Variants in ENTHD1 observed in about 807,000 individuals in gnomAD.
The protein encoded by ENTHD1 is ENTH domain containing 1, also known as ENTH domain-containing protein 1.
Under a neutral mutation model 39.1 loss-of-function variants are expected in ENTHD1, and 23 were observed. That is an observed-to-expected ratio of 0.59 (90% CI 0.42 to 0.83). The LOEUF is 0.83. Among genes scored for constraint, ENTHD1 ranks in the 40% least tolerant of loss-of-function variants. ENTHD1 has a pLI of 0.00. For synonymous variants in ENTHD1, 230 were observed against 258.2 expected (o/e 0.89, Z 1.05); for missense variants, 624 against 705.4 (o/e 0.88, Z 1.31).
intron 2 of ENTHD1, among the ~76,000 whole-genome samples, chr22:39,885,632 A>G (rs982630557): frequency 1.3e-5 from 2 of 152,240 alleles, no homozygotes; most frequent in African/African-American, 4.8e-5. Context: ...TGTACATACA[A>G]TAGAATATTA....
At chr22:39,778,876 C>A (rs747341914) in intron 5 of ENTHD1, among the ~76,000 whole-genome samples, 2 of 152,118 alleles carry the variant, frequency 1.3e-5, no homozygotes, top group South Asian at 4.1e-4. Flanking sequence ...GTACTACAAA[C>A]GTGCCCAAGA....
At chr22:39,779,765 A>G (rs986074941) in intron 5 of ENTHD1, among the ~76,000 whole-genome samples, 4 of 152,184 alleles carry the variant, frequency 2.6e-5, no homozygotes, top group African/African-American at 9.7e-5. Flanking sequence ...GACACATACA[A>G]AAGTCAAAAT....
At chr22:39,794,345 G>C (rs2065529542) in intron 5 of ENTHD1, among the ~76,000 whole-genome samples, 1 of 152,126 alleles carries the variant, frequency 6.6e-6, no homozygotes, top group Non-Finnish European at 1.5e-5. Context: ...TCAGATCTAA[G>C]AGTTTTTTTG....
intron 5 of ENTHD1, among the ~76,000 whole-genome samples, chr22:39,772,606 A>C (rs1200960466): frequency 6.6e-6 from 1 of 152,202 alleles, no homozygotes; most frequent in Non-Finnish European, 1.5e-5. Context: ...ACACCGACAA[A>C]ACAAGGAGAA....
intron 1 of ENTHD1, among the ~76,000 whole-genome samples, chr22:39,889,569 A>T (rs2066409705): frequency 6.6e-6 from 1 of 152,224 alleles, no homozygotes; most frequent in Admixed American, 6.5e-5. Context: ...CATACAAAAG[A>T]AAAAATGTTA....
chr22:39,862,081 A>T (rs185628370), intron 2 of ENTHD1, 74 bp from the exon 3 acceptor site: 17,389 of 1,222,502 alleles, frequency 0.014, 242 homozygotes, highest in Admixed American at 0.089. Flanking sequence ...TTCTACAGAA[A>T]TTTTTTTAAA....
chr22:39,877,721 C>A (rs2066303077), intron 2 of ENTHD1, among the ~76,000 whole-genome samples: 1 of 152,308 alleles, frequency 6.6e-6, no homozygotes, highest in South Asian at 2.1e-4. Flanking sequence ...TCAGAATTTT[C>A]CAGAGCACTC....
intron 5 of ENTHD1, among the ~76,000 whole-genome samples, chr22:39,789,658 A>G (rs2065488470): frequency 6.6e-6 from 1 of 152,232 alleles, no homozygotes; most frequent in Non-Finnish European, 1.5e-5. Context: ...GGTACTAAAA[A>G]TACAACAGTG....
At position 39,743,450 on chromosome 22, in the gene ENTHD1, A is replaced by C; in HGVS notation, c.*229T>G. On this transcript the variant is annotated 3_prime_UTR_variant, in exon 7 of 7. Coordinates refer to ENST00000325157, the MANE Select transcript of ENTHD1 (RefSeq NM_152512.4). ...AAGAATGAAATTCTCTTCTGTTTCA[A>C]ATGAACTAATATCTAAATCTGAAAT... 1 of 457,144 alleles carries C rather than the reference A, an allele frequency of 2.2e-6. No individual in the cohort carries two copies. Among genetic ancestry groups the C allele is most frequent in the Non-Finnish European group, 3.7e-6 (1 of 266,816 alleles). The allele number at this position is 457,144 out of a possible 1,614,324, so 28.3% of individuals were successfully genotyped here.
intron 3 of ENTHD1, among the ~76,000 whole-genome samples, 160 bp from the exon 4 acceptor site, chr22:39,836,118 A>G (rs2065906467): frequency 1.3e-5 from 2 of 152,200 alleles, no homozygotes; most frequent in African/African-American, 4.8e-5. Context: ...AATCACTTTA[A>G]TATGTCTCTT....
chr22:39,840,778 G>A (rs965093145), intron 3 of ENTHD1, among the ~76,000 whole-genome samples: 8 of 150,580 alleles, frequency 5.3e-5, no homozygotes, highest in African/African-American at 1.7e-4. Flanking sequence ...TTTTTGAGAC[G>A]GAGTCTCGCT....
intron 2 of ENTHD1, 56 bp from the exon 3 acceptor site, chr22:39,862,063 A>T (rs1449088688): frequency 2.1e-5 from 27 of 1,313,442 alleles, no homozygotes; most frequent in Non-Finnish European, 2.5e-5. Flanking sequence ...GGCTATAATT[A>T]ATTTTTTTTC....
Position 39,764,151 on chromosome 22 carries a change from G to A in ENTHD1, c.1219+1072C>T, listed in dbSNP as rs372215860. ...TATATTTATATGTACTTTTGATCTG[G>A]GTTTGAGTCTGTTTAAAAGATTCAC... On this transcript the variant is annotated intron_variant, in intron 6 of 6. Coordinates refer to ENST00000325157, the MANE Select transcript of ENTHD1 (RefSeq NM_152512.4). Among the ~76,000 whole-genome samples the A allele has an allele frequency of 6.6e-5, 10 of 152,036 alleles. No homozygotes were observed. The South Asian group carries it at 1.7e-3, about 25-fold the overall frequency.
At chr22:39,826,978 G>A (rs980699206) in intron 4 of ENTHD1, among the ~76,000 whole-genome samples, 1 of 151,754 alleles carries the variant, frequency 6.6e-6, no homozygotes, top group Non-Finnish European at 1.5e-5. Context: ...CTCCCTGGCG[G>A]CTGGGACTAT....
At chr22:39,801,370 A>G (rs2065597005) in intron 5 of ENTHD1, among the ~76,000 whole-genome samples, 1 of 152,132 alleles carries the variant, frequency 6.6e-6, no homozygotes. Flanking sequence ...GCCACATTGC[A>G]TGTGGATCCA....
chr22:39,754,922 G>A (rs984745853), intron 6 of ENTHD1, among the ~76,000 whole-genome samples: 1 of 152,118 alleles, frequency 6.6e-6, no homozygotes, highest in Admixed American at 6.5e-5. Context: ...TTCTTAACCT[G>A]GCACACATAG....
At chr22:39,766,019 CAAAAAAA>C (rs11367784) in intron 5 of ENTHD1, among the ~76,000 whole-genome samples, 235 of 48,342 alleles carry the variant, frequency 4.9e-3, no homozygotes, top group Middle Eastern at 0.028. Flanking sequence ...CCCTCAGCTA[CAAAAAAA>C]AAAAAAAAAA....
intron 2 of ENTHD1, among the ~76,000 whole-genome samples, chr22:39,863,199 A>T (rs1276261961): frequency 1.3e-5 from 2 of 152,100 alleles, no homozygotes; most frequent in African/African-American, 4.8e-5. Context: ...AGATAGACAG[A>T]CAGGCAAGAA....
intron 2 of ENTHD1, among the ~76,000 whole-genome samples, chr22:39,880,266 T>G (rs2146763555): frequency 6.6e-6 from 1 of 152,248 alleles, no homozygotes; most frequent in Non-Finnish European, 1.5e-5. Flanking sequence ...TAAATGACAT[T>G]TTGGAAAAGG....
Sources: allele counts gnomAD v4.1 joint callset (sites outside exome capture counted in the v4.1 genomes callset), GRCh38; gene constraint gnomAD v4.1.1; transcripts MANE v1.5; gene names NCBI Gene and HGNC (gene_info 2026-07-23, HGNC 2026-07-21).